Variants in PTPN14 observed in about 807,000 individuals in gnomAD.
The protein encoded by PTPN14 is tyrosine-protein phosphatase non-receptor type 14.
In PTPN14, 53 loss-of-function variants were observed where a neutral mutation model predicts 126.8. The observed-to-expected ratio is 0.42, with a 90% CI of 0.34 to 0.53. The LOEUF (loss-of-function observed/expected upper bound fraction) is 0.53, where lower values mean the gene tolerates loss of function less well. Among genes scored for constraint, PTPN14 ranks in the 20% least tolerant of loss-of-function variants. The pLI, the probability that PTPN14 is intolerant of heterozygous loss-of-function variation, is 0.08. For missense variants in PTPN14, 1,257 were observed against 1,552.9 expected (o/e 0.81, Z 3.20); for synonymous variants, 630 against 599.3 (o/e 1.05, Z -0.75).
At chr1:214,401,432 G>A (rs528819014) in intron 7 of PTPN14, among the ~76,000 whole-genome samples, 47 of 152,298 alleles carry the variant, frequency 3.1e-4, no homozygotes, top group African/African-American at 1.0e-3. Context: ...CCAAGGTGCC[G>A]GATTGGCTGA....
chr1:214,386,638 G>T (rs886992875), intron 12 of PTPN14, among the ~76,000 whole-genome samples: 2 of 152,218 alleles, frequency 1.3e-5, no homozygotes, highest in African/African-American at 4.8e-5. Context: ...CCGACTCCCT[G>T]AGCAGCCAAT....
chr1:214,516,677 C>T (rs1655109679), intron 1 of PTPN14, among the ~76,000 whole-genome samples: 1 of 152,012 alleles, frequency 6.6e-6, no homozygotes, highest in South Asian at 2.1e-4. Flanking sequence ...TATTTATTTT[C>T]CTTGGGTATA....
At chr1:214,528,758 C>A (rs1016452321) in intron 1 of PTPN14, 1 of 151,918 alleles carries the variant, frequency 6.6e-6, no homozygotes, top group African/African-American at 2.4e-5. Context: ...TGGTGAAACT[C>A]CATCTCTACT....
chr1:214,508,519 C>T (rs1049411590), intron 1 of PTPN14, among the ~76,000 whole-genome samples: 1 of 152,166 alleles, frequency 6.6e-6, no homozygotes, highest in Non-Finnish European at 1.5e-5. Context: ...ATTTCCACCA[C>T]CTCTGCAGTT....
intron 13 of PTPN14, among the ~76,000 whole-genome samples, chr1:214,379,194 G>T (rs1658414888): frequency 6.6e-6 from 1 of 152,150 alleles, no homozygotes; most frequent in Admixed American, 6.5e-5. Flanking sequence ...ACAATGAAGG[G>T]CAACCAATTT....
At chr1:214,475,386 A>G (rs58530653) in intron 1 of PTPN14, among the ~76,000 whole-genome samples, 13,781 of 152,238 alleles carry the variant, frequency 0.091, 636 homozygotes, top group South Asian at 0.12. Flanking sequence ...TCTTTAAAAT[A>G]TAAAGAACCA....
intron 1 of PTPN14, among the ~76,000 whole-genome samples, chr1:214,476,978 C>A (rs1660881993): frequency 6.6e-6 from 1 of 152,226 alleles, no homozygotes; most frequent in Non-Finnish European, 1.5e-5. Flanking sequence ...GTTTTCCCAA[C>A]AAGCCAATTG....
At chr1:214,465,032 G>A (rs1255254890) in intron 1 of PTPN14, 75 bp from the exon 2 acceptor site, 5 of 305,806 alleles carry the variant, frequency 1.6e-5, no homozygotes, top group South Asian at 1.3e-4. Context: ...CACACACACA[G>A]AAGCCCCCCC....
At chr1:214,534,171 T>C (rs1247184164) in intron 1 of PTPN14, among the ~76,000 whole-genome samples, 1 of 152,214 alleles carries the variant, frequency 6.6e-6, no homozygotes, top group Non-Finnish European at 1.5e-5. Context: ...AGATTGATGA[T>C]GCTGCTATAA....
chr1:214,445,576 A>G (rs1313996484), intron 3 of PTPN14, among the ~76,000 whole-genome samples: 1 of 152,068 alleles, frequency 6.6e-6, no homozygotes, highest in African/African-American at 2.4e-5. Flanking sequence ...CACAAAATTA[A>G]AAATTTTAGA....
At chr1:214,460,554 C>CAG (rs1660487451) in intron 2 of PTPN14, among the ~76,000 whole-genome samples, 2 of 149,732 alleles carry the variant, frequency 1.3e-5, no homozygotes, top group African/African-American at 2.5e-5. Context: ...CACACACACA[C>CAG]AGATCAGTGC....
At chr1:214,490,793 C>T (rs1203982406) in intron 1 of PTPN14, among the ~76,000 whole-genome samples, 2 of 140,764 alleles carry the variant, frequency 1.4e-5, no homozygotes, top group East Asian at 2.2e-4. Context: ...GCCGAGATTG[C>T]GCCACTGCAC....
chr1:214,415,921 C>T (rs1037736526), intron 3 of PTPN14, among the ~76,000 whole-genome samples: 28 of 152,078 alleles, frequency 1.8e-4, no homozygotes, highest in Admixed American at 1.8e-3. Context: ...GAAAAAATCA[C>T]GAAGCAAAAC....
At chr1:214,525,702 A>T (rs1465443704) in intron 1 of PTPN14, among the ~76,000 whole-genome samples, 2 of 152,194 alleles carry the variant, frequency 1.3e-5, no homozygotes, top group Non-Finnish European at 1.5e-5. Context: ...TACTAGATCA[A>T]CTAAGTCAAC....
chr1:214,521,954 T>TTC (rs1655271446), intron 1 of PTPN14, among the ~76,000 whole-genome samples: 2 of 113,540 alleles, frequency 1.8e-5, no homozygotes, highest in Admixed American at 8.5e-5. Context: ...TTTTTTTTTT[T>TTC]GAGATGGAGT....
intron 1 of PTPN14, among the ~76,000 whole-genome samples, chr1:214,519,938 T>G (rs1484659780): frequency 1.3e-5 from 2 of 150,954 alleles, no homozygotes; most frequent in Admixed American, 1.3e-4. Flanking sequence ...TACCAGCTAC[T>G]TGGGAGGGTG....
intron 7 of PTPN14, among the ~76,000 whole-genome samples, chr1:214,398,327 C>T (rs1402923403): frequency 1.3e-5 from 2 of 152,184 alleles, no homozygotes; most frequent in Non-Finnish European, 2.9e-5. Flanking sequence ...TTACCAGAGG[C>T]TGGAGAATGG....
intron 3 of PTPN14, among the ~76,000 whole-genome samples, chr1:214,443,984 G>T (rs1359235712): frequency 2.0e-5 from 3 of 152,246 alleles, no homozygotes; most frequent in Admixed American, 6.5e-5. Context: ...TGTGGTGGGA[G>T]TGAGAGTGGG....
At chr1:214,439,899 C>T (rs1660001948) in intron 3 of PTPN14, among the ~76,000 whole-genome samples, 1 of 152,190 alleles carries the variant, frequency 6.6e-6, no homozygotes, top group Admixed American at 6.5e-5. Flanking sequence ...ATAATGCTCG[C>T]TATTTAAAGG....
Sources: allele counts gnomAD v4.1 joint callset (sites outside exome capture counted in the v4.1 genomes callset), GRCh38; gene constraint gnomAD v4.1.1; transcripts MANE v1.5; gene names NCBI Gene and HGNC (gene_info 2026-07-23, HGNC 2026-07-21).